COL4A3: variants seen among roughly 807,000 people sequenced by gnomAD.
The protein encoded by COL4A3 is collagen alpha-3(IV) chain.
COL4A3 carries 135 observed loss-of-function variants against 217.4 expected under a neutral mutation model. The observed-to-expected ratio is 0.62, with a 90% CI of 0.54 to 0.72. The LOEUF (loss-of-function observed/expected upper bound fraction) is 0.72, where lower values mean the gene tolerates loss of function less well. Ranked by LOEUF, COL4A3 falls within the 30% of genes least tolerant of loss-of-function variation. The probability of loss-of-function intolerance (pLI) is 0.00; values close to 1 mark genes in which losing one functional copy is unlikely to be tolerated. For missense variants in COL4A3, 1,868 were observed against 2,119.9 expected (o/e 0.88, Z 2.33); for synonymous variants, 690 against 736.3 (o/e 0.94, Z 1.02).
At chr2:227,179,784 A>T (rs995130300) in intron 1 of COL4A3, among the ~76,000 whole-genome samples, 1 of 152,244 alleles carries the variant, frequency 6.6e-6, no homozygotes, top group Non-Finnish European at 1.5e-5. Flanking sequence ...GTATGCAATC[A>T]AGTGATGGGC....
chr2:227,168,999 C>A (rs1319044431), intron 1 of COL4A3, among the ~76,000 whole-genome samples: 1 of 151,250 alleles, frequency 6.6e-6, no homozygotes, highest in Non-Finnish European at 1.5e-5. Flanking sequence ...ATTAACTCGT[C>A]ATTTAGCATT....
rs1290284253 is a variant in COL4A3 at position 227,215,042 on chromosome 2, G to A, written c.88-22926G>A. Among the ~76,000 whole-genome samples the A allele has an allele frequency of 2.0e-5, 3 of 152,242 alleles. No homozygotes were observed. In the East Asian group the frequency reaches 5.8e-4, roughly 29 times the overall value. Reference sequence around the variant, plus strand: ...GGTTTGTTTACTCGGCTTAGAATGTGGGATTAAAATGAGAAATTAACATCA... The same window carrying A: ...GGTTTGTTTACTCGGCTTAGAATGTAGGATTAAAATGAGAAATTAACATCA... On this transcript the variant is annotated intron_variant, in intron 1 of 51. Coordinates refer to ENST00000396578, the MANE Select transcript of COL4A3 (RefSeq NM_000091.5).
chr2:227,266,340 A>G (rs937600317), intron 21 of COL4A3, 77 bp from the exon 22 acceptor site: 2 of 1,085,422 alleles, frequency 1.8e-6, no homozygotes, highest in Non-Finnish European at 2.8e-6. Flanking sequence ...TGCATTTTAA[A>G]TAATACATAT....
intron 1 of COL4A3, among the ~76,000 whole-genome samples, chr2:227,210,858 T>C (rs2067291164): frequency 1.3e-5 from 1 of 75,626 alleles, no homozygotes; most frequent in Non-Finnish European, 2.9e-5. Flanking sequence ...TATATACATA[T>C]ATTAGTTTCA....
intron 2 of COL4A3, among the ~76,000 whole-genome samples, chr2:227,238,526 C>G (rs973279920): frequency 1.3e-5 from 2 of 151,990 alleles, no homozygotes; most frequent in East Asian, 3.9e-4. Context: ...TTGCAGAATT[C>G]AAGAAAAAAA....
chr2:227,267,096 C>T lies in COL4A3; in HGVS notation c.1504+8C>T. On this transcript the variant is annotated splice_region_variant and intron_variant, in intron 23 of 51. Transcript: ENST00000396578. ...GTGTAAAAGGAATCCCAGGTACAAA[C>T]AATTTGCATGCAAGTGTTTTTGCAA... 6.2e-7 allele frequency: 1 copy of T among 1,604,730 alleles called. No individual in the cohort carries two copies. The highest frequency in any genetic ancestry group is 1.7e-4 in the Middle Eastern group (1 of 6,044).
At chr2:227,247,454 A>G in intron 7 of COL4A3, 104 bp from the exon 8 acceptor site, 1 of 1,025,784 alleles carries the variant, frequency 9.7e-7, no homozygotes, top group Non-Finnish European at 1.6e-6. Context: ...TGGGAGGTGT[A>G]CAGTGGGGAG....
At chr2:227,273,654 C>G (rs1266312529) in intron 26 of COL4A3, among the ~76,000 whole-genome samples, 1 of 152,150 alleles carries the variant, frequency 6.6e-6, no homozygotes, top group Admixed American at 6.5e-5. Flanking sequence ...CCCAAACAAT[C>G]CTTGCTTCAG....
intron 1 of COL4A3, chr2:227,228,694 T>C (rs2068230568): frequency 6.6e-6 from 1 of 152,210 alleles, no homozygotes; most frequent in Non-Finnish European, 1.5e-5. Context: ...GGTCTATTAA[T>C]AAAAATGCAT....
At chr2:227,286,045 C>T (rs556989537) in intron 34 of COL4A3, among the ~76,000 whole-genome samples, 20 of 152,270 alleles carry the variant, frequency 1.3e-4, no homozygotes, top group South Asian at 8.3e-4. Context: ...AAGGAGGCTG[C>T]GTGGCAGACT....
intron 1 of COL4A3, among the ~76,000 whole-genome samples, chr2:227,207,604 T>G (rs1335122064): frequency 6.6e-6 from 1 of 151,844 alleles, no homozygotes; most frequent in Non-Finnish European, 1.5e-5. Flanking sequence ...GGCAGGGGGG[T>G]TTGCAGGGGC....
At chr2:227,188,631 A>G (rs2066120707) in intron 1 of COL4A3, among the ~76,000 whole-genome samples, 2 of 152,224 alleles carry the variant, frequency 1.3e-5, no homozygotes, top group Non-Finnish European at 2.9e-5. Flanking sequence ...ATTTTCACTT[A>G]AATGTGCTAC....
At chr2:227,296,760 T>C (rs772797347) in intron 41 of COL4A3, among the ~76,000 whole-genome samples, 4 of 152,192 alleles carry the variant, frequency 2.6e-5, no homozygotes, top group Non-Finnish European at 5.9e-5. Context: ...TGAATAGACA[T>C]AGGGCTAGAT....
chr2:227,185,055 C>G (rs376295349), intron 1 of COL4A3, among the ~76,000 whole-genome samples: 2 of 151,872 alleles, frequency 1.3e-5, no homozygotes, highest in South Asian at 2.1e-4. Context: ...GCGCCCGCCA[C>G]ACGCCCAGCT....
intron 37 of COL4A3, among the ~76,000 whole-genome samples, chr2:227,292,533 AG>A (rs1489335010): frequency 6.6e-6 from 1 of 152,224 alleles, no homozygotes; most frequent in Non-Finnish European, 1.5e-5. Context: ...AGAGTAACAG[AG>A]TAGTATATTT....
intron 1 of COL4A3, among the ~76,000 whole-genome samples, chr2:227,190,829 A>G (rs976097541): frequency 3.9e-5 from 6 of 152,172 alleles, no homozygotes; most frequent in African/African-American, 1.4e-4. Flanking sequence ...ATCGCTTGAC[A>G]CCAAGAGGTG....
In COL4A3 at chr2:227,253,423, G is replaced by C. The variant is rs2069914832; in HGVS notation, c.687+86G>C. 1.3e-6 allele frequency: 2 copies of C among 1,498,250 alleles called. No homozygotes were observed. The highest frequency in any genetic ancestry group is 4.5e-5 in the East Asian group (2 of 44,286). 92.8% of individuals were successfully genotyped at this position (1,498,250 alleles called of 1,614,324 possible). On this transcript the variant is annotated intron_variant, in intron 12 of 51. Transcript: ENST00000396578. This position sits in a 1 kb window ranked among gnomAD's most constrained non-coding sequence, Gnocchi z 4.4. The stretch of plus-strand genomic sequence containing the variant: ...CCTATACCGTTTACTTACGGGCCAA[G>C]CTGAAATTGATGGGCCTTCATTTGT...
chr2:227,257,305 G>T (rs898247988), intron 17 of COL4A3, among the ~76,000 whole-genome samples: 5 of 152,298 alleles, frequency 3.3e-5, no homozygotes, highest in Admixed American at 1.3e-4. Context: ...TCTGACCTGG[G>T]TGAGAACACA....
At chr2:227,240,560 C>A (rs1006080752) in intron 3 of COL4A3, among the ~76,000 whole-genome samples, 3 of 152,308 alleles carry the variant, frequency 2.0e-5, no homozygotes, top group African/African-American at 4.8e-5. Flanking sequence ...ACCTGTCCAA[C>A]CACCTGTGCC....
Sources: gnomAD v4.1 joint callset for allele counts (sites outside exome capture counted in the v4.1 genomes callset) on GRCh38, gnomAD v4.1.1 for gene constraint, Gnocchi (gnomAD v3.1) non-coding constraint, MANE v1.5 for transcripts, NCBI Gene and HGNC (gene_info 2026-07-23, HGNC 2026-07-21) for gene names.